Variants in MARCHF1 observed in about 807,000 individuals in gnomAD.
MARCHF1 encodes membrane associated ring-CH-type finger 1.
A neutral mutation model predicts 54.2 loss-of-function variants in MARCHF1; 40 were observed. The ratio of observed to expected loss-of-function variants is 0.74; its 90% CI spans 0.57 to 0.96. MARCHF1 has a LOEUF of 0.96. MARCHF1 is among the 40% of genes least tolerant of loss of function. MARCHF1 has a pLI of 0.00. For synonymous variants in MARCHF1, 236 were observed against 236.3 expected (o/e 1.00, Z 0.01); for missense variants, 586 against 656.5 (o/e 0.89, Z 1.17).
At chr4:163,652,320 T>C (rs575929033) in intron 5 of MARCHF1, among the ~76,000 whole-genome samples, 44 of 152,010 alleles carry the variant, frequency 2.9e-4, no homozygotes, top group African/African-American at 1.0e-3. Flanking sequence ...TCAAACACTT[T>C]GCAGTGGCTG....
intron 1 of MARCHF1, among the ~76,000 whole-genome samples, chr4:164,176,546 T>C (rs1730667770): frequency 6.6e-6 from 1 of 152,030 alleles, no homozygotes; most frequent in Admixed American, 6.6e-5. Flanking sequence ...AACTCCCTAG[T>C]GACAAAAACG....
chr4:163,792,752 T>C (rs908389779), intron 4 of MARCHF1, among the ~76,000 whole-genome samples: 1 of 152,174 alleles, frequency 6.6e-6, no homozygotes, highest in African/African-American at 2.4e-5. Context: ...AAACTACATA[T>C]TGCAATGTAC....
At chr4:164,336,888 A>G (rs971415450) in intron 1 of MARCHF1, among the ~76,000 whole-genome samples, 6 of 152,210 alleles carry the variant, frequency 3.9e-5, no homozygotes, top group Non-Finnish European at 7.3e-5. Flanking sequence ...GGAAAATTTT[A>G]TCCATCAATC....
chr4:164,112,222 T>C lies in MARCHF1; in HGVS notation c.-322-560A>G, dbSNP rs140416790. 6.7e-3 allele frequency among the ~76,000 whole-genome samples: 1,023 copies of C among 152,000 alleles called. 17 individuals are homozygous for C. Among genetic ancestry groups the C allele is most frequent in the African/African-American group, 0.023 (944 of 41,560 alleles). On this transcript the variant is annotated intron_variant, in intron 1 of 9. Coordinates refer to ENST00000514618, the MANE Select transcript of MARCHF1 (RefSeq NM_001394959.1). ...CTAAGCAGCACATCAGGAGGAAATA[T>C]CCACAAGCCATGTACTTCACTACCT...
At chr4:163,652,915 T>TG (rs1458781208) in intron 5 of MARCHF1, among the ~76,000 whole-genome samples, 1 of 151,856 alleles carries the variant, frequency 6.6e-6, no homozygotes, top group Non-Finnish European at 1.5e-5. Context: ...TTCTAGGAAT[T>TG]GAAGATATAA....
At chr4:164,317,366 TAGAGTAGCACCTCAAAGTTGTACC>T (rs1283513005) in intron 1 of MARCHF1, among the ~76,000 whole-genome samples, 2 of 152,172 alleles carry the variant, frequency 1.3e-5, no homozygotes, top group Non-Finnish European at 2.9e-5. Flanking sequence ...AGTAAGCTGG[TAGAGTAGCACCTCAAAGTTGTACC>T]AGATTCAGGT....
intron 4 of MARCHF1, among the ~76,000 whole-genome samples, chr4:163,716,890 A>G (rs1333427460): frequency 1.3e-5 from 2 of 152,228 alleles, no homozygotes; most frequent in Non-Finnish European, 2.9e-5. Context: ...TTACATAAGA[A>G]TAAACATTTT....
chr4:164,176,964 C>CCA (rs1367492961), intron 1 of MARCHF1, among the ~76,000 whole-genome samples: 3,042 of 47,116 alleles, frequency 0.065, 382 homozygotes, highest in South Asian at 0.096. Context: ...CTCTCTCTCT[C>CCA]TCTCTCTCTC....
At chr4:164,282,227 T>C (rs888873220) in intron 1 of MARCHF1, among the ~76,000 whole-genome samples, 2 of 150,782 alleles carry the variant, frequency 1.3e-5, no homozygotes, top group Non-Finnish European at 1.5e-5. Context: ...ATCATTTGAC[T>C]CCTACAAGCC....
At chr4:163,976,308 T>G (rs1191034316) in intron 3 of MARCHF1, among the ~76,000 whole-genome samples, 1 of 152,148 alleles carries the variant, frequency 6.6e-6, no homozygotes, top group Non-Finnish European at 1.5e-5. Context: ...CCAAGAAAAC[T>G]TATCTGCAGC....
chr4:164,097,576 T>A (rs1755443462), intron 2 of MARCHF1, among the ~76,000 whole-genome samples: 1 of 152,204 alleles, frequency 6.6e-6, no homozygotes, highest in Non-Finnish European at 1.5e-5. Context: ...TTTTGATCAC[T>A]GTTTCAATAT....
At position 163,529,291 on chromosome 4, in the gene MARCHF1, C is replaced by CTTAT. The variant is rs1308783528; in HGVS notation, c.1340-249_1340-246dup. ...TTTCTCACCTATCACTGTCAAATCT[C>CTTAT]TTATTTCTCCTAGCATCAAGTACCT... On this transcript the variant is annotated intron_variant, in intron 9 of 9. Coordinates refer to ENST00000514618, the MANE Select transcript of MARCHF1 (RefSeq NM_001394959.1). Among the ~76,000 whole-genome samples the CTTAT allele has an allele frequency of 2.0e-5, 3 of 152,022 alleles. 1 individual carries two copies. The highest frequency in any genetic ancestry group is 2.9e-5 in the Non-Finnish European group (2 of 67,964).
At chr4:164,297,774 C>T (rs1734449188) in intron 1 of MARCHF1, among the ~76,000 whole-genome samples, 1 of 151,998 alleles carries the variant, frequency 6.6e-6, no homozygotes, top group Non-Finnish European at 1.5e-5. Flanking sequence ...AATTGTACTA[C>T]CGTTGCAATT....
chr4:163,910,963 A>G (rs1751176428), intron 3 of MARCHF1, among the ~76,000 whole-genome samples: 1 of 152,228 alleles, frequency 6.6e-6, no homozygotes, highest in South Asian at 2.1e-4. Context: ...ACATGAATGA[A>G]TATCAGTAAT....
intron 8 of MARCHF1, among the ~76,000 whole-genome samples, chr4:163,568,567 G>A (rs1739726641): frequency 6.6e-6 from 1 of 152,140 alleles, no homozygotes; most frequent in African/African-American, 2.4e-5. Context: ...TATTAAAGGT[G>A]TCTGGAGATA....
At chr4:164,050,295 AAAAAAAAAAAG>A (rs1754336093) in intron 2 of MARCHF1, among the ~76,000 whole-genome samples, 4 of 148,476 alleles carry the variant, frequency 2.7e-5, no homozygotes, top group African/African-American at 1.0e-4. Context: ...AAAAAAAAAA[AAAAAAAAAAAG>A]GCCCTAGCTT....
chr4:164,264,436 CA>C (rs973944478), intron 1 of MARCHF1, among the ~76,000 whole-genome samples: 23 of 150,974 alleles, frequency 1.5e-4, no homozygotes, highest in African/African-American at 5.6e-4. Context: ...CCCCCTGTGA[CA>C]GCAGTTTACC....
At chr4:164,198,363 G>C (rs1317795109) in intron 1 of MARCHF1, among the ~76,000 whole-genome samples, 2 of 152,132 alleles carry the variant, frequency 1.3e-5, no homozygotes, top group African/African-American at 2.4e-5. Flanking sequence ...AAGTGGTAGA[G>C]GAATAAAATT....
intron 2 of MARCHF1, among the ~76,000 whole-genome samples, chr4:164,069,477 C>T (rs1477530861): frequency 6.6e-6 from 1 of 151,954 alleles, no homozygotes; most frequent in Non-Finnish European, 1.5e-5. Context: ...AGCTTCCCTG[C>T]TGAAGCCAGT....
Sources: allele counts gnomAD v4.1 joint callset (sites outside exome capture counted in the v4.1 genomes callset), GRCh38; gene constraint gnomAD v4.1.1; transcripts MANE v1.5; gene names NCBI Gene and HGNC (gene_info 2026-07-23, HGNC 2026-07-21).